IL1RAPL1: variants seen among roughly 807,000 people sequenced by gnomAD.
IL1RAPL1 encodes interleukin-1 receptor accessory protein-like 1.
Under a neutral mutation model 48.4 loss-of-function variants are expected in IL1RAPL1, and 3 were observed. The ratio of observed to expected loss-of-function variants is 0.06; its 90% CI spans 0.03 to 0.16. IL1RAPL1 has a LOEUF of 0.16. Among genes scored for constraint, IL1RAPL1 ranks in the 10% least tolerant of loss-of-function variants. The probability of loss-of-function intolerance (pLI) is 1.00; values close to 1 mark genes in which losing one functional copy is unlikely to be tolerated. For synonymous variants in IL1RAPL1, 185 were observed against 187.7 expected (o/e 0.99, Z 0.12); for missense variants, 349 against 530.6 (o/e 0.66, Z 3.36).
intron 2 of IL1RAPL1, among the ~76,000 whole-genome samples, chrX:29,121,101 A>G (rs1474085858): frequency 8.9e-6 from 1 of 111,960 alleles, no homozygotes; most frequent in East Asian, 2.8e-4. Context: ...CTCGATAAAG[A>G]ACATCTACAA....
At chrX:29,439,851 G>GTTTTTTTTTTTTTTTTTTTTTTTGTTT (rs760458968) in intron 5 of IL1RAPL1, among the ~76,000 whole-genome samples, 1 of 59,863 alleles carries the variant, frequency 1.7e-5, no homozygotes, top group African/African-American at 7.1e-5. Flanking sequence ...TGTTTGTTTG[G>GTTTTTTTTTTTTTTTTTTTTTTTGTTT]TTTTTTTTTT....
At chrX:29,298,042 T>A (rs1479796316) in intron 3 of IL1RAPL1, among the ~76,000 whole-genome samples, 1 of 112,354 alleles carries the variant, frequency 8.9e-6, no homozygotes, top group Non-Finnish European at 1.9e-5. Flanking sequence ...ACTATTTCTG[T>A]TACTGTAGAA....
intron 2 of IL1RAPL1, among the ~76,000 whole-genome samples, chrX:29,186,964 C>G (rs1266602494): frequency 1.8e-5 from 2 of 110,225 alleles, no homozygotes; most frequent in African/African-American, 6.6e-5. Context: ...CACACTCGAG[C>G]CTGTTGGAGT....
chrX:29,795,335 A>C (rs1929718027), intron 6 of IL1RAPL1, among the ~76,000 whole-genome samples: 2 of 112,205 alleles, frequency 1.8e-5, no homozygotes, highest in African/African-American at 6.5e-5. Context: ...TCATTTAAAT[A>C]ATCTTAAATT....
intron 1 of IL1RAPL1, among the ~76,000 whole-genome samples, chrX:28,597,664 G>A (rs1933970108): frequency 9.0e-6 from 1 of 110,597 alleles, no homozygotes; most frequent in African/African-American, 3.3e-5. Flanking sequence ...CTGGGAGGCA[G>A]AGGCTGCAAT....
chrX:29,618,228 T>C (rs1006894090), intron 5 of IL1RAPL1, among the ~76,000 whole-genome samples: 1 of 112,269 alleles, frequency 8.9e-6, no homozygotes, highest in African/African-American at 3.2e-5. Context: ...CTCATTAGCC[T>C]TTAGGTTTTC....
Position 29,511,676 on chromosome X carries a change from T to C in IL1RAPL1, c.703+112368T>C, listed in dbSNP as rs942533716. ...CTATGAGTCTCCCCATCAAGTCCTT[T>C]TTGCATTTTGACTCTATTCTTCCTT... On this transcript the variant is annotated intron_variant, in intron 5 of 10. Coordinates refer to ENST00000378993, the MANE Select transcript of IL1RAPL1 (RefSeq NM_014271.4). 2.7e-5 allele frequency among the ~76,000 whole-genome samples: 3 copies of C among 111,760 alleles called. No homozygotes were observed. The Admixed American group carries it at 2.9e-4, about 11-fold the overall frequency.
At chrX:29,090,143 A>C (rs756737043) in intron 2 of IL1RAPL1, among the ~76,000 whole-genome samples, 3 of 110,465 alleles carry the variant, frequency 2.7e-5, no homozygotes, top group Admixed American at 9.7e-5. Context: ...CCCTACACCT[A>C]TGTCAGCTTT....
At chrX:29,197,567 A>G (rs1930469157) in intron 2 of IL1RAPL1, among the ~76,000 whole-genome samples, 1 of 111,930 alleles carries the variant, frequency 8.9e-6, no homozygotes, top group Non-Finnish European at 1.9e-5. Flanking sequence ...CTGATTTTTT[A>G]TATACATCCT....
chrX:28,654,398 A>G (rs1934726976), intron 1 of IL1RAPL1, among the ~76,000 whole-genome samples: 1 of 111,061 alleles, frequency 9.0e-6, no homozygotes, highest in African/African-American at 3.3e-5. Flanking sequence ...ACTTTAAATA[A>G]AAAAAACCTC....
intron 2 of IL1RAPL1, among the ~76,000 whole-genome samples, chrX:29,176,394 G>A (rs1930024114): frequency 9.2e-6 from 1 of 108,753 alleles, no homozygotes; most frequent in Non-Finnish European, 1.9e-5. Context: ...TTTTTTGACA[G>A]GTTTCTAGGT....
chrX:28,937,400 A>G (rs1206966473), intron 2 of IL1RAPL1, among the ~76,000 whole-genome samples: 1 of 111,277 alleles, frequency 9.0e-6, no homozygotes, highest in Non-Finnish European at 1.9e-5. Flanking sequence ...CCAGTGAGGT[A>G]GAAAATAAGG....
At chrX:28,682,966 C>G (rs923835987) in intron 1 of IL1RAPL1, among the ~76,000 whole-genome samples, 1 of 111,855 alleles carries the variant, frequency 8.9e-6, no homozygotes, top group African/African-American at 3.2e-5. Context: ...CCAGAGAAAC[C>G]ACAGATTCTT....
intron 1 of IL1RAPL1, among the ~76,000 whole-genome samples, chrX:28,768,612 C>G (rs778549015): frequency 1.9e-5 from 2 of 105,221 alleles, no homozygotes; most frequent in East Asian, 6.0e-4. Flanking sequence ...ATCATTAATT[C>G]ATTGAAATTC....
At chrX:29,163,401 G>T (rs183524372) in intron 2 of IL1RAPL1, among the ~76,000 whole-genome samples, 1 of 111,775 alleles carries the variant, frequency 8.9e-6, no homozygotes, top group Admixed American at 9.5e-5. Flanking sequence ...CAGTGTCAAG[G>T]CTTTAAAGGA....
chrX:29,004,892 GC>G (rs2147390583), intron 2 of IL1RAPL1, among the ~76,000 whole-genome samples: 1 of 111,630 alleles, frequency 9.0e-6, no homozygotes, highest in East Asian at 2.8e-4. Context: ...TCCTGTGGTG[GC>G]CACTCCTCAT....
intron 2 of IL1RAPL1, among the ~76,000 whole-genome samples, chrX:29,228,686 C>A (rs1364127965): frequency 1.8e-5 from 2 of 111,708 alleles, no homozygotes; most frequent in South Asian, 3.7e-4. Flanking sequence ...TATTAAGTTT[C>A]TTTTAATCTA....
At position 29,955,811 on chromosome X, in the gene IL1RAPL1, G is replaced by A. The variant is rs142109122; in HGVS notation, c.2082G>A (p.Val694=). 4 of 1,206,592 alleles carry A rather than the reference G, an allele frequency of 3.3e-6. No individual in the cohort carries two copies. Among genetic ancestry groups the A allele is most frequent in the Non-Finnish European group, 3.4e-6 (3 of 891,215 alleles). The part of the protein sequence containing the change: ...LLPRETSISS[V]IW Reference sequence around the variant, plus strand: ...CAAGGGAGACCAGTATATCCAGTGTGATATGGTGACAGAAAAGCAAGGGAC... The same window carrying A: ...CAAGGGAGACCAGTATATCCAGTGTAATATGGTGACAGAAAAGCAAGGGAC... The change falls in exon 11 of 11, where the codon GTG becomes GTA. Residue 694 remains valine (V), a synonymous_variant. Coordinates refer to ENST00000378993, the MANE Select transcript of IL1RAPL1 (RefSeq NM_014271.4).
intron 5 of IL1RAPL1, among the ~76,000 whole-genome samples, chrX:29,485,222 A>C (rs1935084233): frequency 8.9e-6 from 1 of 112,291 alleles, no homozygotes; most frequent in Non-Finnish European, 1.9e-5. Context: ...TACAGTATGC[A>C]TCATGAAATG....
Sources: gnomAD v4.1 joint callset for allele counts (sites outside exome capture counted in the v4.1 genomes callset) on GRCh38, gnomAD v4.1.1 for gene constraint, MANE v1.5 for transcripts, NCBI Gene and HGNC (gene_info 2026-07-23, HGNC 2026-07-21) for gene names.